Variants in PIK3CD observed in about 807,000 individuals in gnomAD.
PIK3CD encodes phosphatidylinositol-4,5-bisphosphate 3-kinase catalytic subunit delta.
Under a neutral mutation model 122.9 loss-of-function variants are expected in PIK3CD, and 20 were observed. The observed-to-expected ratio is 0.16, with a 90% CI of 0.11 to 0.24. The LOEUF is 0.24. PIK3CD is among the 10% of genes least tolerant of loss of function. The pLI is 1.00. For missense variants in PIK3CD, 787 were observed against 1,406.3 expected, an observed-to-expected ratio of 0.56 and a Z score of 7.04; for synonymous variants, 596 against 593.4, an observed-to-expected ratio of 1.00 and a Z score of -0.06.
At chr1:9,641,148 C>T in the PIK3CD span, among the ~76,000 whole-genome samples, 2,051 of 152,260 alleles carry the variant, frequency 0.013, 22 homozygotes, top group Non-Finnish European at 0.02. Flanking sequence ...GTTGCGGGGG[C>T]GGCAGGCCTG....
the PIK3CD span, among the ~76,000 whole-genome samples, chr1:9,629,259 C>T: frequency 4.6e-5 from 7 of 151,994 alleles, no homozygotes; most frequent in African/African-American, 9.7e-5. Context: ...CCTCCCTCTG[C>T]GGTTGTCACT....
At position 9,710,674 on chromosome 1, in the gene PIK3CD, C is replaced by A; in HGVS notation, c.141+78C>A. Reference sequence around the variant, plus strand: ...AGAGAGACACAGATAGACAGACAGACAGACAGACAGATGGACAGGTGGACA... The same window carrying A: ...AGAGAGACACAGATAGACAGACAGAAAGACAGACAGATGGACAGGTGGACA... On this transcript the variant is annotated intron_variant, in intron 3 of 23. Transcript: ENST00000377346. This position sits in a 1 kb window ranked among gnomAD's most constrained non-coding sequence, Gnocchi z 4.7. 6.6e-7 allele frequency: 1 copy of A among 1,505,416 alleles called. No homozygotes were observed. Among genetic ancestry groups the A allele is most frequent in the Non-Finnish European group, 9.2e-7 (1 of 1,084,016 alleles). 93.3% of individuals were successfully genotyped at this position (1,505,416 alleles called of 1,614,324 possible). A position where few individuals can be genotyped will look rare whatever the true frequency, so the allele number is the denominator to read the frequency against.
chr1:9,658,091 A>T lies in PIK3CD; in HGVS notation c.-138+6289A>T, dbSNP rs1413114094. On this transcript the variant is annotated intron_variant, in intron 1 of 23. Transcript: ENST00000377346. ...CAGCCTTGTTTTTGAAACTTTGGAA[A>T]ACCATTTATGGCTGGGCATGGTGGT... Among the ~76,000 whole-genome samples, 3 of 152,266 alleles carry T rather than the reference A, an allele frequency of 2.0e-5. No homozygotes were observed. In the East Asian group the frequency reaches 5.8e-4, roughly 29 times the overall value.
At chr1:9,681,379 A>C (rs561134938) in intron 1 of PIK3CD, among the ~76,000 whole-genome samples, 77 of 152,258 alleles carry the variant, frequency 5.1e-4, no homozygotes, top group African/African-American at 1.8e-3. Context: ...CTGGGACTAC[A>C]GGTATGCATC....
chr1:9,692,423 T>A (rs1646230661), intron 2 of PIK3CD, among the ~76,000 whole-genome samples: 2 of 152,178 alleles, frequency 1.3e-5, no homozygotes. Flanking sequence ...ATTGCGGATC[T>A]CTTTTTAAAA....
At chr1:9,694,720 T>C (rs180988387) in intron 2 of PIK3CD, among the ~76,000 whole-genome samples, 2 of 152,154 alleles carry the variant, frequency 1.3e-5, no homozygotes, top group Non-Finnish European at 2.9e-5. Flanking sequence ...CCCAGCACTT[T>C]GGGAGGCTGA....
Position 9,724,652 on chromosome 1 carries a change from G to C in PIK3CD, c.2865-152G>C. On this transcript the variant is annotated intron_variant, in intron 22 of 23. Transcript: ENST00000377346. The surrounding 1 kb of genome is among the most constrained non-coding windows in gnomAD (Gnocchi z 7.3). ...TAGCAGGAGGCTGGCTGGGGCACGG[G>C]GGTCAGTTAGCAGAACTGGAGGCCT... 8.8e-7 allele frequency: 1 copy of C among 1,136,336 alleles called. No homozygotes were observed. The highest frequency in any genetic ancestry group is 2.8e-4 in the Middle Eastern group (1 of 3,542). 70.4% of individuals were successfully genotyped at this position (1,136,336 alleles called of 1,614,324 possible). A position where few individuals can be genotyped will look rare whatever the true frequency, so the allele number is the denominator to read the frequency against.
rs778266270 is a variant in PIK3CD at position 9,718,503 on chromosome 1, G to A, written c.1021-191G>A. Among the ~76,000 whole-genome samples the A allele has an allele frequency of 7.9e-5, 12 of 152,084 alleles. No homozygotes were observed. The highest frequency in any genetic ancestry group is 1.3e-4 in the Non-Finnish European group (9 of 67,998). On this transcript the variant is annotated intron_variant, in intron 8 of 23. Transcript: ENST00000377346. The surrounding 1 kb of genome is among the most constrained non-coding windows in gnomAD (Gnocchi z 7.2). ...GAGACAGGGCACCCATGCACAGCCCGTGGTACCCTCCCTCACCCCAGGGCC... is the reference window on the plus strand; with the variant it reads ...GAGACAGGGCACCCATGCACAGCCCATGGTACCCTCCCTCACCCCAGGGCC...
chr1:9,707,206 G>A (rs943093363), intron 2 of PIK3CD, among the ~76,000 whole-genome samples: 8 of 151,850 alleles, frequency 5.3e-5, no homozygotes, highest in South Asian at 2.1e-4. Context: ...AGCACTCTCC[G>A]ATGAGCACAA....
In PIK3CD at chr1:9,704,137, T is replaced by C. The variant is rs1646747018; in HGVS notation, c.-32-6287T>C. Among the ~76,000 whole-genome samples, 1 of 152,160 alleles carries C rather than the reference T, an allele frequency of 6.6e-6. No homozygotes were observed. The highest frequency in any genetic ancestry group is 1.5e-5 in the Non-Finnish European group (1 of 68,036). ...AGAGACGGAAGGCACTTCCACTTTC[T>C]CCTGTCCTGTCTCACTGGTGACAGG... On this transcript the variant is annotated intron_variant, in intron 2 of 23. Transcript: ENST00000377346. The surrounding 1 kb of genome is among the most constrained non-coding windows in gnomAD (Gnocchi z 5.0).
At chr1:9,654,432 G>A in intron 1 of PIK3CD, 1 of 1,367,040 alleles carries the variant, frequency 7.3e-7, no homozygotes, top group South Asian at 1.1e-5. Context: ...AGACTGGGAG[G>A]GCATCAGCCC....
chr1:9,677,578 A>C (rs1220164602), intron 1 of PIK3CD, among the ~76,000 whole-genome samples: 1 of 150,880 alleles, frequency 6.6e-6, no homozygotes, highest in Non-Finnish European at 1.5e-5. Context: ...CAGGGTGGTC[A>C]AGGCTGCACT....
chr1:9,649,150 C>A (rs1330854129), upstream of PIK3CD, among the ~76,000 whole-genome samples: 1 of 151,460 alleles, frequency 6.6e-6, no homozygotes, highest in Non-Finnish European at 1.5e-5. Flanking sequence ...AAAACTGGAA[C>A]AATTGAGCAA....
intron 1 of PIK3CD, among the ~76,000 whole-genome samples, chr1:9,690,003 C>T (rs1557628020): frequency 6.6e-6 from 1 of 152,328 alleles, no homozygotes; most frequent in East Asian, 1.9e-4. Flanking sequence ...CAGGTTTCTC[C>T]GCTGCCGCCC....
rs757257476 is a variant in PIK3CD at position 9,716,472 on chromosome 1, C to T, written c.633C>T (p.Asp211=). 2.2e-5 allele frequency: 35 copies of T among 1,611,118 alleles called. No individual in the cohort carries two copies. The highest frequency in any genetic ancestry group is 1.2e-4 in the Admixed American group (7 of 60,018). ...TCACCTTCCAGGTGTCCACCAAGGA[C>T]GTGCCGCTGGCGCTGATGGCCTGTG... ...ESFTFQVSTK[D]VPLALMACAL... is the part of the protein sequence containing the mutation. Residue 211 remains aspartate, a synonymous_variant, in exon 6 of 24, where the codon GAC becomes GAT. Coordinates refer to ENST00000377346, the MANE Select transcript of PIK3CD (RefSeq NM_005026.5).
the PIK3CD span, among the ~76,000 whole-genome samples, chr1:9,644,640 T>A: frequency 1.3e-5 from 2 of 152,302 alleles, no homozygotes; most frequent in Middle Eastern, 3.4e-3. Context: ...GTTTCTGAGC[T>A]CTCTAGCTTT....
chr1:9,635,629 AC>A, the PIK3CD span, among the ~76,000 whole-genome samples: 1 of 152,166 alleles, frequency 6.6e-6, no homozygotes, highest in East Asian at 1.9e-4. Flanking sequence ...GGGCAGTCAC[AC>A]CTGACTGGAG....
At position 9,722,751 on chromosome 1, in the gene PIK3CD, C is replaced by G; in HGVS notation, c.2426+145C>G. On this transcript the variant is annotated intron_variant, in intron 19 of 23. Transcript: ENST00000377346. The surrounding 1 kb of genome is among the most constrained non-coding windows in gnomAD (Gnocchi z 7.6). ...AGGAAGACCCGGAGGCGGTTTAACTCTAGGCCAGGAGGCGGCGGGCAGCAG... is the reference window on the plus strand; with the variant it reads ...AGGAAGACCCGGAGGCGGTTTAACTGTAGGCCAGGAGGCGGCGGGCAGCAG... 1 of 757,804 alleles carries G rather than the reference C, an allele frequency of 1.3e-6. No homozygotes were observed. The highest frequency in any genetic ancestry group is 1.5e-5 in the South Asian group (1 of 67,776). The allele number at this position is 757,804 out of a possible 1,614,324, so 46.9% of individuals were successfully genotyped here.
chr1:9,648,443 G>C (rs1388630812), upstream of PIK3CD, among the ~76,000 whole-genome samples: 2 of 152,226 alleles, frequency 1.3e-5, no homozygotes, highest in South Asian at 4.1e-4. Context: ...CTAAAGACCA[G>C]AGGGCAGCGT....
Sources: gnomAD v4.1 joint callset for allele counts (sites outside exome capture counted in the v4.1 genomes callset) on GRCh38, gnomAD v4.1.1 for gene constraint, Gnocchi (gnomAD v3.1) non-coding constraint, MANE v1.5 for transcripts, NCBI Gene and HGNC (gene_info 2026-07-23, HGNC 2026-07-21) for gene names.